The following NRG3 variants were observed in gnomAD, a reference collection of about 807,000 sequenced individuals.
NRG3 encodes pro-neuregulin-3, membrane-bound isoform.
A neutral mutation model predicts 66.9 loss-of-function variants in NRG3; 31 were observed. The ratio of observed to expected loss-of-function variants is 0.46; its 90% CI spans 0.35 to 0.63. NRG3 has a LOEUF of 0.63. Ranked by LOEUF, NRG3 falls within the 20% of genes least tolerant of loss-of-function variation. The pLI, the probability that NRG3 is intolerant of heterozygous loss-of-function variation, is 0.00. For missense variants in NRG3, 910 were observed against 878.9 expected, an observed-to-expected ratio of 1.04 and a Z score of -0.45; for synonymous variants, 393 against 359.4, an observed-to-expected ratio of 1.09 and a Z score of -1.06.
At chr10:82,539,543 G>A (rs1473776313) in intron 2 of NRG3, among the ~76,000 whole-genome samples, 1 of 152,094 alleles carries the variant, frequency 6.6e-6, no homozygotes, top group Non-Finnish European at 1.5e-5. Context: ...GATGATATCT[G>A]CAAAAATTGC....
At chr10:82,653,142 A>G (rs1275116922) in intron 2 of NRG3, among the ~76,000 whole-genome samples, 1 of 152,208 alleles carries the variant, frequency 6.6e-6, no homozygotes, top group Non-Finnish European at 1.5e-5. Context: ...TTAAAGCTGA[A>G]ACTTACATGT....
chr10:82,129,672 C>G (rs2068682747), intron 1 of NRG3, among the ~76,000 whole-genome samples: 1 of 152,036 alleles, frequency 6.6e-6, no homozygotes, highest in South Asian at 2.1e-4. Flanking sequence ...CTTCCAGATT[C>G]AAGTAATTCT....
intron 1 of NRG3, among the ~76,000 whole-genome samples, chr10:82,160,487 G>T (rs192256708): frequency 1.3e-5 from 2 of 151,626 alleles, no homozygotes; most frequent in East Asian, 1.9e-4. Flanking sequence ...ATTTTGTAAG[G>T]AATTTCTTTT....
At chr10:82,285,838 A>G (rs2079387611) in intron 1 of NRG3, among the ~76,000 whole-genome samples, 2 of 152,236 alleles carry the variant, frequency 1.3e-5, no homozygotes, top group Non-Finnish European at 2.9e-5. Flanking sequence ...ACCACAAGTC[A>G]GAGCTGCCCT....
intron 2 of NRG3, among the ~76,000 whole-genome samples, chr10:82,574,314 T>C (rs903626640): frequency 1.3e-5 from 2 of 151,770 alleles, no homozygotes; most frequent in East Asian, 3.9e-4. Context: ...ATGCTCTCTC[T>C]TATATGTGGG....
chr10:82,660,407 A>T (rs1277087837), intron 2 of NRG3, among the ~76,000 whole-genome samples: 1 of 152,048 alleles, frequency 6.6e-6, no homozygotes, highest in Non-Finnish European at 1.5e-5. Flanking sequence ...CTCTGTAGTC[A>T]TGCTGTTAGT....
intron 3 of NRG3, among the ~76,000 whole-genome samples, chr10:82,740,935 G>T (rs1027891481): frequency 2.4e-4 from 36 of 151,652 alleles, no homozygotes; most frequent in Non-Finnish European, 1.0e-4. Context: ...AACATACTTT[G>T]CCCCAAATGT....
chr10:82,771,751 C>T (rs1212917455), intron 3 of NRG3, among the ~76,000 whole-genome samples: 2 of 152,154 alleles, frequency 1.3e-5, no homozygotes, highest in African/African-American at 4.8e-5. Flanking sequence ...TAGTGGCTGA[C>T]ATCAAATTGT....
intron 1 of NRG3, among the ~76,000 whole-genome samples, chr10:82,209,051 C>A (rs913025451): frequency 1.3e-5 from 2 of 152,132 alleles, no homozygotes; most frequent in African/African-American, 4.8e-5. Flanking sequence ...ATTGATTACT[C>A]AAACCATAAA....
At chr10:82,962,302 G>A (rs1446697539) in intron 6 of NRG3, among the ~76,000 whole-genome samples, 1 of 152,182 alleles carries the variant, frequency 6.6e-6, no homozygotes, top group Non-Finnish European at 1.5e-5. Flanking sequence ...CAAGGCAAAG[G>A]AGTGAAACTT....
chr10:82,044,442 A>C (rs76609319), intron 1 of NRG3, among the ~76,000 whole-genome samples: 3,976 of 152,090 alleles, frequency 0.026, 133 homozygotes, highest in East Asian at 0.14. Flanking sequence ...GGGATGTGAG[A>C]GAAAACAAGA....
chr10:82,172,359 A>T (rs1395760716), intron 1 of NRG3, among the ~76,000 whole-genome samples: 1 of 152,134 alleles, frequency 6.6e-6, no homozygotes, highest in East Asian at 1.9e-4. Flanking sequence ...TTTTCATTTT[A>T]AAATTTATAC....
chr10:82,803,413 A>G (rs1238090294), intron 3 of NRG3, among the ~76,000 whole-genome samples: 2 of 152,256 alleles, frequency 1.3e-5, no homozygotes, highest in African/African-American at 4.8e-5. Context: ...TCTCCTAATA[A>G]ATCATTGAAG....
chr10:82,132,076 A>G (rs562608439), intron 1 of NRG3, among the ~76,000 whole-genome samples: 1 of 152,122 alleles, frequency 6.6e-6, no homozygotes, highest in Non-Finnish European at 1.5e-5. Context: ...ACTATGTTGA[A>G]TAACAGTGGA....
At chr10:82,603,932 A>G (rs1590841241) in intron 2 of NRG3, among the ~76,000 whole-genome samples, 1 of 152,314 alleles carries the variant, frequency 6.6e-6, no homozygotes, top group East Asian at 1.9e-4. Flanking sequence ...GGAAAAACTG[A>G]ATGGAAAACA....
chr10:82,083,813 C>T (rs542163137), intron 1 of NRG3, among the ~76,000 whole-genome samples: 33 of 150,876 alleles, frequency 2.2e-4, no homozygotes, highest in African/African-American at 6.8e-4. Flanking sequence ...GATGGGGTTT[C>T]GCTGTGTTGG....
At chr10:82,576,343 T>C (rs2046032567) in intron 2 of NRG3, among the ~76,000 whole-genome samples, 1 of 151,580 alleles carries the variant, frequency 6.6e-6, no homozygotes, top group Non-Finnish European at 1.5e-5. Context: ...TTCCCTTATA[T>C]TCCACTGTGC....
Position 82,593,374 on chromosome 10 carries a change from A to T in NRG3, c.954-145203A>T, listed in dbSNP as rs189266822. 2.0e-4 allele frequency among the ~76,000 whole-genome samples: 31 copies of T among 152,330 alleles called. No homozygotes were observed. The East Asian group carries it at 5.0e-3, about 25-fold the overall frequency. On this transcript the variant is annotated intron_variant, in intron 2 of 8. Coordinates refer to ENST00000372141, the MANE Select transcript of NRG3 (RefSeq NM_001010848.4). ...CCAACAAACAAATATTATTTGTAAC[A>T]TGAGCTCTTGAGATTATGGTAGAAA...
chr10:82,654,069 G>A (rs1033439106), intron 2 of NRG3, among the ~76,000 whole-genome samples: 25 of 152,224 alleles, frequency 1.6e-4, no homozygotes, highest in Admixed American at 4.6e-4. Flanking sequence ...GTTTTTTGGG[G>A]GCTTGTGAAA....
Sources: allele counts gnomAD v4.1 joint callset (sites outside exome capture counted in the v4.1 genomes callset), GRCh38; gene constraint gnomAD v4.1.1; transcripts MANE v1.5; gene names NCBI Gene and HGNC (gene_info 2026-07-23, HGNC 2026-07-21).